Variants in ANKUB1 observed in about 807,000 individuals in gnomAD.
ANKUB1 encodes the protein protein ANKUB1.
In ANKUB1, 42 loss-of-function variants were observed where a neutral mutation model predicts 49.3. The observed-to-expected ratio is 0.85, with a 90% confidence interval of 0.67 to 1.10. The LOEUF (loss-of-function observed/expected upper bound fraction) is 1.10, where lower values mean the gene tolerates loss of function less well. ANKUB1 is among the 50% of genes least tolerant of loss of function. The probability of loss-of-function intolerance (pLI) is 0.00; values close to 1 mark genes in which losing one functional copy is unlikely to be tolerated. For missense variants in ANKUB1, 613 were observed against 642.0 expected, an observed-to-expected ratio of 0.95 and a Z score of 0.49; for synonymous variants, 222 against 231.0, an observed-to-expected ratio of 0.96 and a Z score of 0.35.
chr3:149,766,093 T>C (rs570715930), intron 5 of ANKUB1, among the ~76,000 whole-genome samples: 3 of 152,338 alleles, frequency 2.0e-5, no homozygotes, highest in African/African-American at 7.2e-5. Context: ...ACTGTAAAAT[T>C]TGCATCAAAT....
intron 2 of ANKUB1, among the ~76,000 whole-genome samples, chr3:149,785,607 A>T (rs1374986370): frequency 6.6e-6 from 1 of 152,124 alleles, no homozygotes; most frequent in African/African-American, 2.4e-5. Flanking sequence ...TTTTTATGGC[A>T]GCATAGTATT....
chr3:149,785,417 A>C (rs12695942), intron 2 of ANKUB1, among the ~76,000 whole-genome samples: 131,516 of 150,840 alleles, frequency 0.87, 57,365 homozygotes, highest in East Asian at 0.92. Flanking sequence ...CCCTTCCCCC[A>C]ACCCCACGAC....
intron 5 of ANKUB1, among the ~76,000 whole-genome samples, chr3:149,764,646 CTTTCTTT>C: frequency 1.4e-5 from 1 of 70,996 alleles, no homozygotes; most frequent in Non-Finnish European, 2.8e-5. Flanking sequence ...CTCTCTCTTT[CTTTCTTT>C]CCTTCCTTCT....
At chr3:149,762,464 A>G (rs1465067974) in intron 5 of ANKUB1, among the ~76,000 whole-genome samples, 34 of 152,082 alleles carry the variant, frequency 2.2e-4, no homozygotes, top group Admixed American at 2.2e-3. Context: ...CTATTTCCAC[A>G]CCCAGTCAGT....
rs1448669339 is a variant in ANKUB1, at chr3:149,767,644, C to T, written c.1018G>A (p.Gly340Arg). The T allele has an allele frequency of 6.4e-7, 1 of 1,551,630 alleles. No individual in the cohort carries two copies. Among genetic ancestry groups the T allele is most frequent in the African/African-American group, 1.4e-5 (1 of 73,136 alleles). The stretch of plus-strand genomic sequence containing the variant: ...ATCACAGTGTCTCCAACTTTTGCCC[C>T]AAAGACCCTTGCTCCACAAAACTGG... ...KSQFCGARVF[G>R]AKVGDTVMVD... Residue 340 changes from glycine to arginine, a missense_variant, in exon 5 of 6, where the codon GGG becomes AGG. Gly to Arg is a moderately radical substitution (Grantham distance 125). Transcript: ENST00000446160.
chr3:149,777,021 C>T (rs1269115459), intron 3 of ANKUB1, among the ~76,000 whole-genome samples: 1 of 152,002 alleles, frequency 6.6e-6, no homozygotes, highest in Non-Finnish European at 1.5e-5. Flanking sequence ...CCTGTTCTGC[C>T]TTCTGTGTTT....
intron 2 of ANKUB1, chr3:149,783,531 TA>T (rs1717958422): frequency 1.3e-5 from 2 of 152,228 alleles, no homozygotes; most frequent in Admixed American, 1.3e-4. Context: ...AAACTTACTG[TA>T]AATTCATACA....
In ANKUB1 at chr3:149,770,815, G is replaced by C. The variant is rs960295870; in HGVS notation, c.452-141C>G. On this transcript the variant is annotated intron_variant, in intron 3 of 5. Transcript: ENST00000446160. ...AATAACCTTGGAACAAGGAGACAGG[G>C]ATGGTATTTTTAGCATAGGCCATTA... 4.9e-6 allele frequency: 3 copies of C among 607,254 alleles called. No homozygotes were observed. In the African/African-American group the frequency reaches 5.7e-5, roughly 12 times the overall value. The allele number at this position is 607,254 out of a possible 1,614,324, so 37.6% of individuals were successfully genotyped here. A position where few individuals can be genotyped will look rare whatever the true frequency, so the allele number is the denominator to read the frequency against.
rs533060242 is a variant in ANKUB1, at chr3:149,782,448, A to G, written c.235-1993T>C. 1.2e-4 allele frequency among the ~76,000 whole-genome samples: 19 copies of G among 152,298 alleles called. No homozygotes were observed. In the South Asian group the frequency reaches 3.5e-3, roughly 28 times the overall value. ...GATAAGTTAAAAAGAAGCTTCTCAG[A>G]ATATGAATAATCGTATACTTATATC... is the stretch of plus-strand genomic sequence containing the variant. On this transcript the variant is annotated intron_variant, in intron 2 of 5. Transcript: ENST00000446160.
Position 149,770,301 on chromosome 3 carries a change from A to G in ANKUB1, c.566+259T>C, listed in dbSNP as rs552091951. ...GGGAGTTGGCATCCCTAACCCCTGC[A>G]TTGTTCAAAGGTTAATTGTAGTTAG... On this transcript the variant is annotated intron_variant, in intron 4 of 5. Coordinates refer to ENST00000446160, the MANE Select transcript of ANKUB1 (RefSeq NM_001144960.3). Among the ~76,000 whole-genome samples the G allele has an allele frequency of 4.6e-5, 7 of 152,250 alleles. No homozygotes were observed. In the South Asian group the frequency reaches 1.0e-3, roughly 23 times the overall value.
At chr3:149,774,794 G>C (rs1401901929) in intron 3 of ANKUB1, among the ~76,000 whole-genome samples, 1 of 152,202 alleles carries the variant, frequency 6.6e-6, no homozygotes, top group East Asian at 1.9e-4. Flanking sequence ...CTGTTTATTA[G>C]ATTTTCCTTT....
At chr3:149,790,740 G>GAGAT in intron 2 of ANKUB1, 41 bp downstream of exon 2, 1 of 1,505,972 alleles carries the variant, frequency 6.6e-7, no homozygotes, top group Non-Finnish European at 8.9e-7. Context: ...TATTCAAAAT[G>GAGAT]AGATAGATAT....
intron 5 of ANKUB1, among the ~76,000 whole-genome samples, chr3:149,764,534 T>C (rs745321992): frequency 6.0e-5 from 5 of 83,628 alleles, no homozygotes; most frequent in African/African-American, 5.4e-5. Context: ...GTCTCCCTTC[T>C]GCATTAATCC....
intron 2 of ANKUB1, among the ~76,000 whole-genome samples, chr3:149,789,189 T>C (rs1028453150): frequency 6.6e-6 from 1 of 152,214 alleles, no homozygotes; most frequent in Non-Finnish European, 1.5e-5. Context: ...AATCAGTCCT[T>C]AGTTAAATAA....
chr3:149,766,924 T>C, intron 5 of ANKUB1: 2 of 1,132,146 alleles, frequency 1.8e-6, no homozygotes, highest in Non-Finnish European at 1.3e-6. Flanking sequence ...CTGTGTTTCT[T>C]TCCCTCCTGA....
intron 2 of ANKUB1, among the ~76,000 whole-genome samples, chr3:149,789,673 A>G: frequency 7.0e-6 from 1 of 143,584 alleles, no homozygotes; most frequent in East Asian, 2.0e-4. Context: ...TCTGTTGCCC[A>G]GGCTGGAGTG....
chr3:149,784,632 CTACTCAATAGCTTTTCAA>C (rs761587251), intron 2 of ANKUB1, among the ~76,000 whole-genome samples: 1 of 152,174 alleles, frequency 6.6e-6, no homozygotes, highest in Non-Finnish European at 1.5e-5. Flanking sequence ...CTTCCGAAAA[CTACTCAATAGCTTTTCAA>C]TACTTATTTT....
intron 3 of ANKUB1, 44 bp downstream of exon 3, chr3:149,780,195 C>A (rs1224009823): frequency 1.3e-6 from 2 of 1,508,596 alleles, no homozygotes; most frequent in Non-Finnish European, 1.8e-6. Context: ...ATCAAAGGAC[C>A]CTAGTGCCAA....
intron 4 of ANKUB1, among the ~76,000 whole-genome samples, chr3:149,768,404 C>T (rs901181314): frequency 6.7e-6 from 1 of 149,702 alleles, no homozygotes; most frequent in Non-Finnish European, 1.5e-5. Context: ...TGATCATGTA[C>T]ATTCTCTGAG....
Sources: gnomAD v4.1 joint callset for allele counts (sites outside exome capture counted in the v4.1 genomes callset) on GRCh38, gnomAD v4.1.1 for gene constraint, MANE v1.5 for transcripts, NCBI Gene and HGNC (gene_info 2026-07-23, HGNC 2026-07-21) for gene names.